The following DYNC1H1 variants were observed in gnomAD, a reference collection of about 807,000 sequenced individuals.
DYNC1H1 encodes cytoplasmic dynein 1 heavy chain 1.
DYNC1H1 carries 51 observed loss-of-function variants against 527.1 expected under a neutral mutation model. That is an observed-to-expected ratio of 0.10 (90% CI 0.08 to 0.12). DYNC1H1 has a LOEUF of 0.12. Ranked by LOEUF, DYNC1H1 falls within the 10% of genes least tolerant of loss-of-function variation. DYNC1H1 has a pLI of 1.00. For missense variants in DYNC1H1, 2,771 were observed against 5,971.8 expected (o/e 0.46, Z 17.66); for synonymous variants, 2,189 against 2,278.8 (o/e 0.96, Z 1.12).
intron 44 of DYNC1H1, 197 bp downstream of exon 44, chr14:102,026,904 C>T: frequency 1.2e-6 from 1 of 863,806 alleles, no homozygotes; most frequent in Non-Finnish European, 1.8e-6. Context: ...TTCATTCTTC[C>T]TCCCCCAGCA....
chr14:102,048,815 T>TGGGG, intron 74 of DYNC1H1, 146 bp downstream of exon 74: 2 of 59,326 alleles, frequency 3.4e-5, no homozygotes, highest in South Asian at 1.3e-4. Flanking sequence ...ACCCTCAAGG[T>TGGGG]GGGCGGGGGG....
chr14:101,964,644 G>A lies in DYNC1H1; in HGVS notation c.-48G>A. ...TGTCTCTTGCTGGCTGTCTCGCTGAGTCGCGGCCGCCTTCTCATCGCTCCT... is the reference window on the plus strand; with the variant it reads ...TGTCTCTTGCTGGCTGTCTCGCTGAATCGCGGCCGCCTTCTCATCGCTCCT... On this transcript the variant is annotated 5_prime_UTR_variant, in exon 1 of 78. Transcript: ENST00000360184. The surrounding 1 kb of genome is among the most constrained non-coding windows in gnomAD (Gnocchi z 5.5). The A allele has an allele frequency of 1.3e-6, 2 of 1,549,124 alleles. No homozygotes were observed. The highest frequency in any genetic ancestry group is 1.9e-5 in the Admixed American group (1 of 53,790).
chr14:102,044,370 G>T lies in DYNC1H1; in HGVS notation c.12781G>T (p.Asp4261Tyr). ...IYGGRVDNEF[D>Y]QRLLNTFLER... ...TGGCGGGCGCGTGGACAACGAGTTT[G>T]ACCAGCGTCTGCTCAACACCTTCCT... Residue 4261 changes from aspartate (D) to tyrosine (Y), a missense_variant, in exon 71 of 78, where the codon GAC becomes TAC. This residue lies in a region of DYNC1H1 where 195 missense variants were observed against 428.6 expected (regional missense o/e 0.45). Coordinates refer to ENST00000360184, the MANE Select transcript of DYNC1H1 (RefSeq NM_001376.5). This position sits in a 1 kb window ranked among gnomAD's most constrained non-coding sequence, Gnocchi z 7.1. 6.2e-7 allele frequency: 1 copy of T among 1,614,032 alleles called. No individual in the cohort carries two copies. Among genetic ancestry groups the T allele is most frequent in the South Asian group, 1.1e-5 (1 of 91,056 alleles).
chr14:102,024,625 C>T (rs1159898016), intron 43 of DYNC1H1, among the ~76,000 whole-genome samples: 2 of 151,140 alleles, frequency 1.3e-5, no homozygotes, highest in African/African-American at 4.9e-5. Context: ...TATTTTAAGA[C>T]TCTAGGTACC....
At position 102,036,666 on chromosome 14, in the gene DYNC1H1, TG is replaced by T; in HGVS notation, c.10908+25del. On this transcript the variant is annotated intron_variant, in intron 57 of 77. Transcript: ENST00000360184. This position sits in a 1 kb window ranked among gnomAD's most constrained non-coding sequence, Gnocchi z 5.6. ...AGGTTGGTGTTGGCCTTTGAATTCT[TG>T]AAACACTGCATTCAAGAGTGAATTC... The T allele has an allele frequency of 6.2e-7, 1 of 1,613,866 alleles. No individual in the cohort carries two copies. Among genetic ancestry groups the T allele is most frequent in the African/African-American group, 1.3e-5 (1 of 75,060 alleles).
chr14:102,029,137 A>G lies in DYNC1H1; in HGVS notation c.9469-402A>G, dbSNP rs1433972753. On this transcript the variant is annotated intron_variant, in intron 48 of 77. Coordinates refer to ENST00000360184, the MANE Select transcript of DYNC1H1 (RefSeq NM_001376.5). This position sits in a 1 kb window ranked among gnomAD's most constrained non-coding sequence, Gnocchi z 5.3. ...CCTGGCTTCCCCTGGTAGTCTGATC[A>G]TCTTGCTGTGCTTCAGAAATCAAGG... 2 of 284,882 alleles carry G rather than the reference A, an allele frequency of 7.0e-6. No individual in the cohort carries two copies. Among genetic ancestry groups the G allele is most frequent in the South Asian group, 3.6e-5 (1 of 27,666 alleles). 17.6% of individuals were successfully genotyped at this position (284,882 alleles called of 1,614,324 possible).
In DYNC1H1 at chr14:102,050,796, G is replaced by A. The variant is rs955946032; in HGVS notation, c.*233G>A. 4 of 558,884 alleles carry A rather than the reference G, an allele frequency of 7.2e-6. No individual in the cohort carries two copies. The highest frequency in any genetic ancestry group is 3.8e-5 in the African/African-American group (2 of 52,962). The allele number at this position is 558,884 out of a possible 1,614,324, so 34.6% of individuals were successfully genotyped here. ...GGAAATAAAACACTAAGCATGAGCC[G>A]GCTCCGCCTCTTCTGTCTCCGCTTT... On this transcript the variant is annotated 3_prime_UTR_variant, in exon 78 of 78. Coordinates refer to ENST00000360184, the MANE Select transcript of DYNC1H1 (RefSeq NM_001376.5).
intron 42 of DYNC1H1, among the ~76,000 whole-genome samples, chr14:102,022,511 A>AG (rs1223690497): frequency 6.6e-6 from 1 of 152,020 alleles, no homozygotes; most frequent in Non-Finnish European, 1.5e-5. Flanking sequence ...GTCTCAAAAA[A>AG]AAAAAAAAAA....
rs1459783460 is a variant in DYNC1H1, at chr14:102,044,833, T to G, written c.13006+135T>G. On this transcript the variant is annotated intron_variant, in intron 72 of 77. Coordinates refer to ENST00000360184, the MANE Select transcript of DYNC1H1 (RefSeq NM_001376.5). This position sits in a 1 kb window ranked among gnomAD's most constrained non-coding sequence, Gnocchi z 7.1. ...GGGCCCTCCCTGGTTATGCTGGGTG[T>G]GGCTCTGTCAGCCTCGGCCTTCCTG... 1.3e-5 allele frequency: 14 copies of G among 1,052,224 alleles called. No homozygotes were observed. Among genetic ancestry groups the G allele is most frequent in the Non-Finnish European group, 1.7e-5 (12 of 710,502 alleles). 65.2% of individuals were successfully genotyped at this position (1,052,224 alleles called of 1,614,324 possible).
intron 11 of DYNC1H1, among the ~76,000 whole-genome samples, chr14:101,992,004 G>A (rs776340382): frequency 6.9e-6 from 1 of 145,102 alleles, no homozygotes; most frequent in Non-Finnish European, 1.5e-5. Flanking sequence ...GGAATCAAGA[G>A]CCCCCCACCA....
At chr14:102,006,236 G>T in intron 27 of DYNC1H1, 66 bp downstream of exon 27, 1 of 1,596,434 alleles carries the variant, frequency 6.3e-7, no homozygotes, top group Non-Finnish European at 8.5e-7. Context: ...TAAAGCTAAT[G>T]ATTTGAATGT....
At chr14:101,969,070 T>C (rs1377224446) in intron 1 of DYNC1H1, among the ~76,000 whole-genome samples, 1 of 151,772 alleles carries the variant, frequency 6.6e-6, no homozygotes, top group Non-Finnish European at 1.5e-5. Flanking sequence ...CAGGCTGGAG[T>C]GCAGTGGCAC....
rs2048860207 is a variant in DYNC1H1 at position 102,054,904 on chromosome 14, T to C, written c.*4341T>C. The C allele has an allele frequency of 6.6e-6, 1 of 152,374 alleles. No homozygotes were observed. Among genetic ancestry groups the C allele is most frequent in the African/African-American group, 2.4e-5 (1 of 41,412 alleles). 9.4% of individuals were successfully genotyped at this position (152,374 alleles called of 1,614,324 possible). On this transcript the variant is annotated 3_prime_UTR_variant, in exon 78 of 78. Coordinates refer to ENST00000360184, the MANE Select transcript of DYNC1H1 (RefSeq NM_001376.5). ...TTTTTGTAGAGACAGGGTTTTGCCA[T>C]GTTGCCCAGGCTGGTCTCCTGGGCT...
chr14:101,968,666 A>C (rs914741229), intron 1 of DYNC1H1, among the ~76,000 whole-genome samples: 1 of 151,640 alleles, frequency 6.6e-6, no homozygotes, highest in Admixed American at 6.6e-5. Context: ...GTCTCAAGCG[A>C]TCCACCCATC....
Position 102,008,186 on chromosome 14 carries a change from C to T in DYNC1H1, c.5826C>T (p.Gly1942=), listed in dbSNP as rs1316362558. 3.7e-6 allele frequency: 6 copies of T among 1,614,046 alleles called. No homozygotes were observed. Among genetic ancestry groups the T allele is most frequent in the Non-Finnish European group, 3.4e-6 (4 of 1,180,030 alleles). ...CDETFDFQAM[G]RIFVGLCQVG... is the part of the protein sequence containing the mutation. ...CTTCCTCTCCTTTCCAGGCAATGGG[C>T]CGGATCTTTGTGGGCCTTTGCCAGG... Residue 1942 remains glycine, a synonymous_variant, in exon 29 of 78, where the codon GGC becomes GGT. Coordinates refer to ENST00000360184, the MANE Select transcript of DYNC1H1 (RefSeq NM_001376.5).
In DYNC1H1 at chr14:102,010,721, C is replaced by G; in HGVS notation, c.6406-19C>G. 1 of 1,611,940 alleles carries G rather than the reference C, an allele frequency of 6.2e-7. No individual in the cohort carries two copies. The highest frequency in any genetic ancestry group is 8.5e-7 in the Non-Finnish European group (1 of 1,179,706). On this transcript the variant is annotated intron_variant, in intron 31 of 77. Transcript: ENST00000360184. The surrounding 1 kb of genome is among the most constrained non-coding windows in gnomAD (Gnocchi z 6.0). ...TTGAGCCATGCTGCGCTGCTCACAG[C>G]CCAGCCCTCTCCCCGTAGATTCTGA...
At chr14:102,022,661 A>G (rs1239893349) in intron 42 of DYNC1H1, 90 bp from the exon 43 acceptor site, 3 of 1,586,160 alleles carry the variant, frequency 1.9e-6, no homozygotes, top group Admixed American at 3.3e-5. Flanking sequence ...ATCCTTTGGA[A>G]GAGCCCACAG....
Position 102,049,966 on chromosome 14 carries a change from A to G in DYNC1H1, c.13684+84A>G, listed in dbSNP as rs17541699. The G allele has an allele frequency of 6.7e-7, 1 of 1,485,196 alleles. No homozygotes were observed. The highest frequency in any genetic ancestry group is 9.0e-7 in the Non-Finnish European group (1 of 1,112,628). The allele number at this position is 1,485,196 out of a possible 1,614,324, so 92.0% of individuals were successfully genotyped here. A position where few individuals can be genotyped will look rare whatever the true frequency, so the allele number is the denominator to read the frequency against. On this transcript the variant is annotated intron_variant, in intron 76 of 77. Transcript: ENST00000360184. This position sits in a 1 kb window ranked among gnomAD's most constrained non-coding sequence, Gnocchi z 5.5. ...CCATTGTTCCCAGATACATGCACTT[A>G]GGGTGACCGGCTGGCAGTTGGGTGG... is the stretch of plus-strand genomic sequence containing the variant.
Position 101,974,100 on chromosome 14 carries a change from A to AT in DYNC1H1, c.257-1609dup, listed in dbSNP as rs1309763908. On this transcript the variant is annotated intron_variant, in intron 1 of 77. Transcript: ENST00000360184. ...GAAACTACTGCCCTTTCCTTTATTT[A>AT]TTTATTTATTTTTTTTGAGATGGAG... 5.2e-4 allele frequency among the ~76,000 whole-genome samples: 79 copies of AT among 151,988 alleles called. 1 individual carries two copies. The highest frequency in any genetic ancestry group is 1.9e-3 in the African/African-American group (78 of 41,394).
Sources: gnomAD v4.1 joint callset for allele counts (sites outside exome capture counted in the v4.1 genomes callset) on GRCh38, gnomAD v4.1.1 for gene constraint, gnomAD v4.1.1 regional missense constraint, Gnocchi (gnomAD v3.1) non-coding constraint, MANE v1.5 for transcripts, NCBI Gene and HGNC (gene_info 2026-07-23, HGNC 2026-07-21) for gene names.